Variants in SOX6 observed in about 807,000 individuals in gnomAD.
The protein encoded by SOX6 is SRY-box transcription factor 6.
In SOX6, 11 loss-of-function variants were observed where a neutral mutation model predicts 97.8. That is an observed-to-expected ratio of 0.11 (90% CI 0.07 to 0.19). The LOEUF is 0.19. SOX6 is among the 10% of genes least tolerant of loss of function. The probability of loss-of-function intolerance (pLI) is 1.00; values close to 1 mark genes in which losing one functional copy is unlikely to be tolerated. For synonymous variants in SOX6, 360 were observed against 371.4 expected (o/e 0.97, Z 0.35); for missense variants, 810 against 1,039.5 (o/e 0.78, Z 3.04).
chr11:16,524,880 A>C (rs1590233251), intron 4 of SOX6, among the ~76,000 whole-genome samples: 1 of 152,224 alleles, frequency 6.6e-6, no homozygotes, highest in African/African-American at 2.4e-5. Context: ...TCCCATTCAC[A>C]ATTGCTTCAA....
intron 4 of SOX6, among the ~76,000 whole-genome samples, chr11:16,567,561 C>CTTTTTTTTTTT (rs59320140): frequency 7.6e-4 from 66 of 87,332 alleles, no homozygotes; most frequent in African/African-American, 1.1e-3. Context: ...ATATTTTTTT[C>CTTTTTTTTTTT]TTTTTTTTTT....
intron 3 of SOX6, among the ~76,000 whole-genome samples, chr11:16,666,047 A>G (rs1269419788): frequency 6.6e-6 from 1 of 152,188 alleles, no homozygotes; most frequent in Non-Finnish European, 1.5e-5. Flanking sequence ...ATAGCACCCA[A>G]GTCCCTTCAA....
chr11:16,632,459 A>G (rs1476270277), intron 3 of SOX6, among the ~76,000 whole-genome samples: 1 of 152,176 alleles, frequency 6.6e-6, no homozygotes, highest in Non-Finnish European at 1.5e-5. Flanking sequence ...AGCTGGGTAC[A>G]TACTTCCTCC....
At chr11:16,155,052 A>G (rs10832553) in intron 6 of SOX6, among the ~76,000 whole-genome samples, 46,486 of 128,036 alleles carry the variant, frequency 0.36, 8,450 homozygotes, top group Admixed American at 0.45. Context: ...TGATTGTCAG[A>G]AAAAAAAAAA....
intron 4 of SOX6, among the ~76,000 whole-genome samples, chr11:16,515,011 G>A (rs948570250): frequency 4.0e-5 from 6 of 151,802 alleles, no homozygotes; most frequent in African/African-American, 1.5e-4. Context: ...AAACATACGT[G>A]TGCATGTGTC....
chr11:16,407,232 A>G lies in SOX6; in HGVS notation c.-4-65980T>C, dbSNP rs1328487960. ...AGAAAACAGTATTTCACACCCCTTT[A>G]CAACAGCAGATATAGCCACAATAGC... On this transcript the variant is annotated intron_variant, in intron 1 of 15. Coordinates refer to the SOX6 transcript ENST00000396356. 1.3e-5 allele frequency among the ~76,000 whole-genome samples: 2 copies of G among 152,108 alleles called. 1 individual carries two copies. Among genetic ancestry groups the G allele is most frequent in the Non-Finnish European group, 2.9e-5 (2 of 68,018 alleles).
intron 4 of SOX6, among the ~76,000 whole-genome samples, chr11:16,511,114 T>G (rs1175596107): frequency 6.6e-6 from 1 of 152,184 alleles, no homozygotes; most frequent in Non-Finnish European, 1.5e-5. Flanking sequence ...TCATTCTAAT[T>G]GACGACTTCT....
intron 4 of SOX6, among the ~76,000 whole-genome samples, chr11:16,500,660 C>A (rs1212789528): frequency 1.3e-5 from 2 of 152,074 alleles, no homozygotes; most frequent in African/African-American, 2.4e-5. Flanking sequence ...TCTTATATAC[C>A]AATAACAAAC....
chr11:16,158,747 G>A (rs779194337), intron 6 of SOX6, among the ~76,000 whole-genome samples: 2 of 151,884 alleles, frequency 1.3e-5, no homozygotes, highest in African/African-American at 2.4e-5. Context: ...TGCTCTATGT[G>A]AACTGACTCA....
intron 1 of SOX6, among the ~76,000 whole-genome samples, chr11:16,439,609 C>A (rs1015302411): frequency 7.2e-5 from 11 of 152,152 alleles, no homozygotes; most frequent in African/African-American, 2.7e-4. Flanking sequence ...TGGCTTTAAT[C>A]CTTTATCTCT....
intron 3 of SOX6, among the ~76,000 whole-genome samples, chr11:16,685,783 C>G (rs1297290820): frequency 6.6e-6 from 1 of 152,282 alleles, no homozygotes; most frequent in African/African-American, 2.4e-5. Context: ...TGTTGGGGTT[C>G]TATCCCCACA....
At chr11:16,518,697 A>G (rs1861012562) in intron 4 of SOX6, among the ~76,000 whole-genome samples, 1 of 152,200 alleles carries the variant, frequency 6.6e-6, no homozygotes, top group South Asian at 2.1e-4. Context: ...TGATAGATCA[A>G]AGGAAATATT....
intron 9 of SOX6, among the ~76,000 whole-genome samples, chr11:16,073,285 G>T (rs950882172): frequency 1.3e-5 from 2 of 151,550 alleles, no homozygotes; most frequent in African/African-American, 4.9e-5. Context: ...AAAAAAGCAG[G>T]GATTGCTATG....
At chr11:16,604,631 C>T (rs989812610) in intron 4 of SOX6, among the ~76,000 whole-genome samples, 6 of 152,206 alleles carry the variant, frequency 3.9e-5, no homozygotes, top group Non-Finnish European at 5.9e-5. Flanking sequence ...TTCGGGCCAC[C>T]TCTAGCCCTA....
At chr11:16,516,562 A>G (rs933424699) in intron 4 of SOX6, among the ~76,000 whole-genome samples, 1 of 152,116 alleles carries the variant, frequency 6.6e-6, no homozygotes, top group African/African-American at 2.4e-5. Context: ...CTACGCAAAC[A>G]AACTAGAAAA....
rs1007877720 is a variant in SOX6, at chr11:16,023,927, A to G, written c.1624-8877T>C. ...ACTTCACGAGATTTGGAAATATCCA[A>G]GCTGAGTAAATATGGTTGTTATGGG... On this transcript the variant is annotated intron_variant, in intron 12 of 15. Coordinates refer to ENST00000683767, the MANE Select transcript of SOX6 (RefSeq NM_001367873.1). Among the ~76,000 whole-genome samples the G allele has an allele frequency of 2.0e-5, 3 of 152,272 alleles. No homozygotes were observed. In the East Asian group the frequency reaches 5.8e-4, roughly 29 times the overall value.
At chr11:16,193,326 T>C (rs1169348436) in intron 4 of SOX6, among the ~76,000 whole-genome samples, 34 of 152,030 alleles carry the variant, frequency 2.2e-4, no homozygotes, top group Non-Finnish European at 2.9e-5. Context: ...GAGCTATGAT[T>C]GCATCGCTGC....
intron 13 of SOX6, among the ~76,000 whole-genome samples, chr11:15,997,787 C>T (rs566445433): frequency 6.6e-6 from 1 of 152,160 alleles, no homozygotes; most frequent in African/African-American, 2.4e-5. Flanking sequence ...GATGTCCACT[C>T]TCACCATTGT....
intron 3 of SOX6, chr11:16,316,048 T>A (rs537709079): frequency 1.3e-5 from 2 of 152,196 alleles, no homozygotes; most frequent in African/African-American, 4.8e-5. Context: ...CACTGGCAAT[T>A]TTTTTGGCAA....
Sources: gnomAD v4.1 joint callset for allele counts (sites outside exome capture counted in the v4.1 genomes callset) on GRCh38, gnomAD v4.1.1 for gene constraint, MANE v1.5 for transcripts, NCBI Gene and HGNC (gene_info 2026-07-23, HGNC 2026-07-21) for gene names.